Variants in CCDC178 observed in about 807,000 individuals in gnomAD.
The protein encoded by CCDC178 is coiled-coil domain-containing protein 178.
CCDC178 carries 126 observed loss-of-function variants against 117.4 expected under a neutral mutation model. That is an observed-to-expected ratio of 1.07 (90% CI 0.93 to 1.24). The LOEUF (loss-of-function observed/expected upper bound fraction) is 1.24, where lower values mean the gene tolerates loss of function less well. CCDC178 is among the 50% of genes most tolerant of loss of function. The probability of loss-of-function intolerance (pLI) is 0.00; values close to 1 mark genes in which losing one functional copy is unlikely to be tolerated. For missense variants in CCDC178, 1,030 were observed against 986.9 expected (o/e 1.04, Z -0.59); for synonymous variants, 283 against 313.4 (o/e 0.90, Z 1.02).
chr18:33,192,414 TAATAG>T (rs2058869625), intron 20 of CCDC178, among the ~76,000 whole-genome samples: 1 of 152,148 alleles, frequency 6.6e-6, no homozygotes, highest in Non-Finnish European at 1.5e-5. Flanking sequence ...CGTTTACACT[TAATAG>T]AGACATGGAG....
intron 11 of CCDC178, among the ~76,000 whole-genome samples, chr18:33,294,546 T>C (rs551057702): frequency 1.3e-5 from 2 of 151,846 alleles, no homozygotes; most frequent in South Asian, 4.2e-4. Flanking sequence ...TCCAGCAGCA[T>C]AGTCAAATGA....
chr18:33,427,237 T>C (rs2064136107), intron 2 of CCDC178, among the ~76,000 whole-genome samples: 1 of 152,060 alleles, frequency 6.6e-6, no homozygotes, highest in African/African-American at 2.4e-5. Context: ...TTGTCAAATA[T>C]TGACTATTAT....
At chr18:33,041,716 A>T (rs1478174782) in intron 21 of CCDC178, among the ~76,000 whole-genome samples, 1 of 151,758 alleles carries the variant, frequency 6.6e-6, no homozygotes, top group Non-Finnish European at 1.5e-5. Context: ...TAAAAATTTT[A>T]GACACATTCT....
At chr18:33,282,937 A>G (rs67274971) in intron 12 of CCDC178, among the ~76,000 whole-genome samples, 10,482 of 152,240 alleles carry the variant, frequency 0.069, 561 homozygotes, top group African/African-American at 0.14. Context: ...AGACCTGCCC[A>G]GACCAGCACT....
At chr18:33,381,759 G>A (rs528345296) in intron 5 of CCDC178, among the ~76,000 whole-genome samples, 5 of 151,896 alleles carry the variant, frequency 3.3e-5, no homozygotes, top group African/African-American at 9.7e-5. Flanking sequence ...CATTTGGCAC[G>A]TACTTCCTTG....
intron 21 of CCDC178, among the ~76,000 whole-genome samples, chr18:33,057,729 G>C (rs1598837201): frequency 6.6e-6 from 1 of 152,046 alleles, no homozygotes; most frequent in Non-Finnish European, 1.5e-5. Context: ...CCTGACCTCA[G>C]GTGATTTGCC....
At chr18:32,997,325 T>C (rs1322100230) in intron 21 of CCDC178, among the ~76,000 whole-genome samples, 6 of 152,152 alleles carry the variant, frequency 3.9e-5, no homozygotes, top group South Asian at 4.1e-4. Context: ...TTAGTGAACA[T>C]TGCATAAAAT....
chr18:33,291,251 G>A (rs1360856647), intron 12 of CCDC178, among the ~76,000 whole-genome samples: 1 of 152,050 alleles, frequency 6.6e-6, no homozygotes, highest in Non-Finnish European at 1.5e-5. Context: ...ACATTAAACT[G>A]AAACGTCTCT....
At chr18:33,431,507 T>C (rs2144970378) in intron 2 of CCDC178, among the ~76,000 whole-genome samples, 1 of 152,204 alleles carries the variant, frequency 6.6e-6, no homozygotes, top group Middle Eastern at 3.2e-3. Context: ...TTTAAGTCAA[T>C]TTACACCAAT....
intron 21 of CCDC178, among the ~76,000 whole-genome samples, chr18:32,975,851 C>G (rs1011379157): frequency 6.6e-6 from 1 of 151,992 alleles, no homozygotes; most frequent in African/African-American, 2.4e-5. Context: ...GTTACATATG[C>G]AGGATCCTCT....
intron 22 of CCDC178, among the ~76,000 whole-genome samples, chr18:32,940,101 G>GT (rs61023671): frequency 4.0e-5 from 6 of 151,522 alleles, no homozygotes; most frequent in African/African-American, 1.5e-4. Flanking sequence ...AATTGGCAGA[G>GT]TTTTTTTTCA....
intron 20 of CCDC178, among the ~76,000 whole-genome samples, chr18:33,201,673 G>A (rs2058990507): frequency 6.6e-6 from 1 of 152,166 alleles, no homozygotes; most frequent in African/African-American, 2.4e-5. Context: ...TTGTATTAAG[G>A]TGAAGCTGTG....
At chr18:32,980,524 T>C (rs1409589787) in intron 21 of CCDC178, among the ~76,000 whole-genome samples, 1 of 125,530 alleles carries the variant, frequency 8.0e-6, no homozygotes, top group Non-Finnish European at 1.5e-5. Context: ...TGAGCGGAGA[T>C]CGCGCCACAG....
intron 6 of CCDC178, among the ~76,000 whole-genome samples, chr18:33,361,005 A>G (rs1198883869): frequency 6.6e-6 from 1 of 151,654 alleles, no homozygotes; most frequent in African/African-American, 2.4e-5. Flanking sequence ...AAATTAATAT[A>G]GAGCCATAAA....
chr18:33,245,174 T>A (rs749505702), intron 15 of CCDC178, 71 bp downstream of exon 15: 3 of 1,302,164 alleles, frequency 2.3e-6, no homozygotes, highest in Middle Eastern at 2.0e-4. Flanking sequence ...ATTATCAAGA[T>A]GAAATCGATA....
intron 21 of CCDC178, among the ~76,000 whole-genome samples, chr18:32,990,926 T>C (rs1021402376): frequency 6.6e-6 from 1 of 151,566 alleles, no homozygotes; most frequent in Non-Finnish European, 1.5e-5. Flanking sequence ...TTACAAGTAA[T>C]TAGGAAAATG....
intron 5 of CCDC178, among the ~76,000 whole-genome samples, chr18:33,380,398 G>A (rs2063426177): frequency 6.6e-6 from 1 of 152,190 alleles, no homozygotes; most frequent in African/African-American, 2.4e-5. Flanking sequence ...CCAAAGAATG[G>A]CTGAGTTTGT....
At chr18:32,995,870 T>A (rs1323194974) in intron 21 of CCDC178, among the ~76,000 whole-genome samples, 1 of 151,814 alleles carries the variant, frequency 6.6e-6, no homozygotes, top group East Asian at 1.9e-4. Flanking sequence ...TAATCTGGAG[T>A]CAGGATGCTT....
intron 5 of CCDC178, among the ~76,000 whole-genome samples, chr18:33,384,788 T>C (rs1254321221): frequency 1.3e-5 from 2 of 152,144 alleles, no homozygotes; most frequent in African/African-American, 2.4e-5. Flanking sequence ...AACAACTCTA[T>C]GAAGCAACTA....
Sources: gnomAD v4.1 joint callset for allele counts (sites outside exome capture counted in the v4.1 genomes callset) on GRCh38, gnomAD v4.1.1 for gene constraint, MANE v1.5 for transcripts, NCBI Gene and HGNC (gene_info 2026-07-23, HGNC 2026-07-21) for gene names.